The following SGCD variants were observed in gnomAD, a reference collection of about 807,000 sequenced individuals.
The protein encoded by SGCD is sarcoglycan delta.
Under a neutral mutation model 36.6 loss-of-function variants are expected in SGCD, and 18 were observed. The observed-to-expected ratio is 0.49, with a 90% confidence interval of 0.34 to 0.73. SGCD has a LOEUF of 0.73. Ranked by LOEUF, SGCD falls within the 30% of genes least tolerant of loss-of-function variation. SGCD has a pLI of 0.01. For missense variants in SGCD, 387 were observed against 346.7 expected, an observed-to-expected ratio of 1.12 and a Z score of -0.92; for synonymous variants, 133 against 130.6, an observed-to-expected ratio of 1.02 and a Z score of -0.12.
Position 155,993,138 on chromosome 5 carries a change from A to C in SGCD, c.-282+122714A>C, listed in dbSNP as rs142912791. Among the ~76,000 whole-genome samples, 717 of 152,028 alleles carry C rather than the reference A, an allele frequency of 4.7e-3. 5 individuals are homozygous for C. The highest frequency in any genetic ancestry group is 0.016 in the African/African-American group (667 of 41,478). On this transcript the variant is annotated intron_variant, in intron 1 of 9. Coordinates refer to the SGCD transcript ENST00000517913. ...ATTCCTTCCCTTGGAAACCACAATAAAGGCTCTTGCTCCCATTTTCCCTTC... is the reference window on the plus strand; with the variant it reads ...ATTCCTTCCCTTGGAAACCACAATACAGGCTCTTGCTCCCATTTTCCCTTC...
At chr5:156,570,436 T>C (rs1048057791) in intron 4 of SGCD, among the ~76,000 whole-genome samples, 2 of 152,250 alleles carry the variant, frequency 1.3e-5, no homozygotes, top group African/African-American at 4.8e-5. Flanking sequence ...AATTTAATGC[T>C]AGCATTTGCT....
intron 3 of SGCD, among the ~76,000 whole-genome samples, chr5:156,244,895 T>C (rs1000823183): frequency 2.0e-5 from 3 of 152,210 alleles, no homozygotes; most frequent in Non-Finnish European, 2.9e-5. Flanking sequence ...TCTTGTTTCA[T>C]TGAAACCTTT....
chr5:155,987,291 G>A (rs534691254), intron 1 of SGCD, among the ~76,000 whole-genome samples: 2 of 152,168 alleles, frequency 1.3e-5, no homozygotes, highest in Admixed American at 6.6e-5. Flanking sequence ...TTGAGTCTTC[G>A]ATTTCCTTAA....
At chr5:156,156,879 TG>T (rs1164798842) in intron 3 of SGCD, among the ~76,000 whole-genome samples, 2 of 151,416 alleles carry the variant, frequency 1.3e-5, no homozygotes, top group Non-Finnish European at 2.9e-5. Context: ...TAAGGCAGAG[TG>T]GTTTACTGTT....
intron 3 of SGCD, among the ~76,000 whole-genome samples, chr5:156,439,217 T>C (rs1009181203): frequency 3.3e-5 from 5 of 152,136 alleles, no homozygotes; most frequent in African/African-American, 7.2e-5. Context: ...CAACCCCTTT[T>C]TCCATTTGAG....
intron 1 of SGCD, among the ~76,000 whole-genome samples, chr5:155,971,075 G>A (rs1014329516): frequency 3.3e-5 from 5 of 152,134 alleles, no homozygotes; most frequent in African/African-American, 1.2e-4. Context: ...TATTAGGAAA[G>A]ATAGCAGAGC....
At chr5:156,397,872 A>T (rs544055459) in intron 3 of SGCD, among the ~76,000 whole-genome samples, 1 of 152,294 alleles carries the variant, frequency 6.6e-6, no homozygotes, top group African/African-American at 2.4e-5. Flanking sequence ...TTTCTGGGCA[A>T]AAGGATCTGT....
chr5:155,890,874 A>G (rs9313417), intron 1 of SGCD, among the ~76,000 whole-genome samples: 65,497 of 151,836 alleles, frequency 0.43, 16,026 homozygotes, highest in African/African-American at 0.65. Context: ...TGGTGGGAGA[A>G]TAAGAGTTCA....
intron 3 of SGCD, among the ~76,000 whole-genome samples, chr5:156,189,270 G>A (rs894792148): frequency 1.3e-5 from 2 of 152,148 alleles, no homozygotes; most frequent in African/African-American, 4.8e-5. Context: ...AAAACCTCTG[G>A]GGGTTGAAAA....
chr5:156,386,713 C>T (rs1278857118), intron 3 of SGCD, among the ~76,000 whole-genome samples: 2 of 152,226 alleles, frequency 1.3e-5, no homozygotes, highest in Non-Finnish European at 2.9e-5. Context: ...GGGGCTCCCT[C>T]ACTCTTTAGA....
At chr5:156,486,143 ATC>A (rs1048076059) in intron 3 of SGCD, among the ~76,000 whole-genome samples, 6 of 151,976 alleles carry the variant, frequency 3.9e-5, no homozygotes, top group African/African-American at 1.5e-4. Context: ...GAATCCCTGC[ATC>A]TCCACATTCC....
intron 4 of SGCD, among the ~76,000 whole-genome samples, chr5:156,553,530 A>AT (rs1758881227): frequency 1.3e-5 from 2 of 151,956 alleles, no homozygotes; most frequent in Admixed American, 6.6e-5. Flanking sequence ...TATATTTTCT[A>AT]TTTTTTACAA....
intron 1 of SGCD, among the ~76,000 whole-genome samples, chr5:155,927,111 T>C (rs533991590): frequency 6.6e-6 from 1 of 152,352 alleles, no homozygotes; most frequent in African/African-American, 2.4e-5. Flanking sequence ...ATATAAGTGC[T>C]TTGTCTTTAT....
At chr5:156,593,098 T>C (rs1010006912) in intron 5 of SGCD, among the ~76,000 whole-genome samples, 5 of 152,144 alleles carry the variant, frequency 3.3e-5, no homozygotes, top group African/African-American at 1.2e-4. Flanking sequence ...ATAACATAGA[T>C]AGATACAGTA....
At chr5:156,469,327 G>A (rs544085788) in intron 3 of SGCD, among the ~76,000 whole-genome samples, 42 of 152,132 alleles carry the variant, frequency 2.8e-4, no homozygotes, top group Non-Finnish European at 5.4e-4. Flanking sequence ...GTCCAAAAGC[G>A]TACATTTTGA....
chr5:156,517,119 C>T (rs1757210857), intron 4 of SGCD, among the ~76,000 whole-genome samples: 1 of 152,112 alleles, frequency 6.6e-6, no homozygotes, highest in Admixed American at 6.5e-5. Flanking sequence ...AAGCTGTTAA[C>T]CAGAATAACC....
At chr5:155,774,330 T>C in the SGCD span, among the ~76,000 whole-genome samples, 1 of 152,192 alleles carries the variant, frequency 6.6e-6, no homozygotes, top group Admixed American at 6.6e-5. Flanking sequence ...GGTAACATTC[T>C]TTCCCCTTAA....
the SGCD span, among the ~76,000 whole-genome samples, chr5:155,758,999 AT>A: frequency 2.0e-5 from 3 of 149,142 alleles, no homozygotes; most frequent in East Asian, 2.0e-4. Flanking sequence ...AGTTTTTATG[AT>A]TTTTTTTATT....
At chr5:156,273,846 AT>A (rs1345935640) in intron 3 of SGCD, among the ~76,000 whole-genome samples, 9 of 152,224 alleles carry the variant, frequency 5.9e-5, no homozygotes, top group Non-Finnish European at 1.2e-4. Flanking sequence ...AGCTTGAGAA[AT>A]AACTGCCACC....
Sources: allele counts gnomAD v4.1 joint callset (sites outside exome capture counted in the v4.1 genomes callset), GRCh38; gene constraint gnomAD v4.1.1; transcripts MANE v1.5; gene names NCBI Gene and HGNC (gene_info 2026-07-23, HGNC 2026-07-21).